Variants in DENND5B observed in about 807,000 individuals in gnomAD.
The protein encoded by DENND5B is DENN domain containing 5B.
In DENND5B, 34 loss-of-function variants were observed where a neutral mutation model predicts 140.6. The ratio of observed to expected loss-of-function variants is 0.24; its 90% CI spans 0.18 to 0.32. The LOEUF (loss-of-function observed/expected upper bound fraction) is 0.32, where lower values mean the gene tolerates loss of function less well. Among genes scored for constraint, DENND5B ranks in the 10% least tolerant of loss-of-function variants. The probability of loss-of-function intolerance (pLI) is 1.00; values close to 1 mark genes in which losing one functional copy is unlikely to be tolerated. For missense variants in DENND5B, 1,142 were observed against 1,560.2 expected, an observed-to-expected ratio of 0.73 and a Z score of 4.52; for synonymous variants, 551 against 562.1, an observed-to-expected ratio of 0.98 and a Z score of 0.28.
chr12:31,502,333 AAAAAAC>A (rs768308598), intron 1 of DENND5B, among the ~76,000 whole-genome samples: 2 of 150,038 alleles, frequency 1.3e-5, no homozygotes, highest in Non-Finnish European at 3.0e-5. Flanking sequence ...ACAAAAACAA[AAAAAAC>A]ATTATATTCA....
At chr12:31,501,216 G>A (rs556173672) in intron 1 of DENND5B, among the ~76,000 whole-genome samples, 2 of 152,288 alleles carry the variant, frequency 1.3e-5, no homozygotes, top group South Asian at 4.1e-4. Context: ...CTGTCCTTGG[G>A]ATAGTGAGTT....
At chr12:31,397,549 C>CAAAAAAAAAAAAAAAAAA (rs1223481557) in intron 17 of DENND5B, among the ~76,000 whole-genome samples, 1 of 49,320 alleles carries the variant, frequency 2.0e-5, no homozygotes, top group Non-Finnish European at 3.3e-5. Context: ...TTCCATCTCA[C>CAAAAAAAAAAAAAAAAAA]AAAAAAAAAA....
chr12:31,492,805 T>C (rs181940794), intron 2 of DENND5B, among the ~76,000 whole-genome samples: 2 of 152,374 alleles, frequency 1.3e-5, no homozygotes, highest in Admixed American at 1.3e-4. Context: ...CTTATAAAGA[T>C]AACTAACAGT....
At chr12:31,550,837 G>A (rs1949029216) in intron 1 of DENND5B, among the ~76,000 whole-genome samples, 1 of 152,096 alleles carries the variant, frequency 6.6e-6, no homozygotes, top group Non-Finnish European at 1.5e-5. Flanking sequence ...ATTTTTTCAT[G>A]TGTTTTTTTG....
intron 11 of DENND5B, 48 bp downstream of exon 11, chr12:31,423,549 G>A (rs1331974876): frequency 1.9e-6 from 3 of 1,583,476 alleles, no homozygotes; most frequent in Non-Finnish European, 2.6e-6. Context: ...ATAGTATTGA[G>A]TCTTCTCAGA....
chr12:31,568,262 C>T (rs1164233715), intron 1 of DENND5B, among the ~76,000 whole-genome samples: 1 of 152,188 alleles, frequency 6.6e-6, no homozygotes, highest in East Asian at 1.9e-4. Context: ...CATGTTTAGA[C>T]TTAGGTCCCA....
intron 7 of DENND5B, 132 bp from the exon 8 acceptor site, chr12:31,433,380 A>C (rs1358218010): frequency 1.2e-6 from 1 of 813,312 alleles, no homozygotes; most frequent in Non-Finnish European, 1.8e-6. Flanking sequence ...CTTTGTTAAA[A>C]TATAATTAAA....
intron 1 of DENND5B, among the ~76,000 whole-genome samples, chr12:31,541,716 G>A (rs565599703): frequency 5.5e-4 from 84 of 152,218 alleles, no homozygotes; most frequent in African/African-American, 1.8e-3. Flanking sequence ...CAAAATAAAG[G>A]AAATCAGTAT....
At chr12:31,476,451 TTTAA>T (rs1258623461) in intron 3 of DENND5B, among the ~76,000 whole-genome samples, 3 of 151,408 alleles carry the variant, frequency 2.0e-5, no homozygotes, top group Admixed American at 6.6e-5. Flanking sequence ...CGTTTTCTTA[TTTAA>T]TTGTCATAAT....
intron 1 of DENND5B, among the ~76,000 whole-genome samples, chr12:31,582,845 T>A (rs1046970087): frequency 6.6e-6 from 1 of 152,254 alleles, no homozygotes; most frequent in Non-Finnish European, 1.5e-5. Flanking sequence ...ATACAGCATA[T>A]GTTACTAGGG....
At position 31,542,757 on chromosome 12, in the gene DENND5B, A is replaced by T. The variant is rs1825133829; in HGVS notation, c.128-46838T>A. Among the ~76,000 whole-genome samples the T allele has an allele frequency of 2.6e-5, 4 of 152,150 alleles. No homozygotes were observed. In the South Asian group the frequency reaches 8.3e-4, roughly 32 times the overall value. On this transcript the variant is annotated intron_variant, in intron 1 of 20. Coordinates refer to ENST00000389082, the MANE Select transcript of DENND5B (RefSeq NM_144973.4). ...GATTCTTTGAGCCCAGGAGTTTGAGACCAGCATGAGCAACATAGCAAAACC... is the reference window on the plus strand; with the variant it reads ...GATTCTTTGAGCCCAGGAGTTTGAGTCCAGCATGAGCAACATAGCAAAACC...
intron 8 of DENND5B, chr12:31,432,287 G>GA (rs374753134): frequency 0.02 from 3,580 of 174,816 alleles, 56 homozygotes; most frequent in South Asian, 0.054. Flanking sequence ...ACAGTAGCCG[G>GA]AAAAAAAAAA....
At chr12:31,557,835 A>G (rs1029827181) in intron 1 of DENND5B, among the ~76,000 whole-genome samples, 2 of 148,540 alleles carry the variant, frequency 1.3e-5, no homozygotes, top group African/African-American at 5.0e-5. Flanking sequence ...AAAAAAAAAA[A>G]AAGACACAGA....
At chr12:31,537,814 CA>C (rs1019224994) in intron 1 of DENND5B, among the ~76,000 whole-genome samples, 11 of 151,948 alleles carry the variant, frequency 7.2e-5, no homozygotes, top group Middle Eastern at 3.4e-3. Flanking sequence ...CAATGGAAAT[CA>C]AAAAAGACTA....
intron 1 of DENND5B, among the ~76,000 whole-genome samples, chr12:31,516,803 T>C (rs1177926654): frequency 1.3e-5 from 2 of 152,152 alleles, no homozygotes; most frequent in Non-Finnish European, 2.9e-5. Flanking sequence ...CTGGGCCCTG[T>C]GGCTCACACC....
intron 1 of DENND5B, among the ~76,000 whole-genome samples, chr12:31,576,289 T>C (rs1950014604): frequency 6.6e-6 from 1 of 151,544 alleles, no homozygotes; most frequent in African/African-American, 2.4e-5. Flanking sequence ...CTGTCTCTAC[T>C]AAAAAATACA....
chr12:31,534,828 GT>G, intron 1 of DENND5B: 1 of 457,636 alleles, frequency 2.2e-6, no homozygotes, highest in South Asian at 1.7e-5. Context: ...TTCAGCCCTG[GT>G]TTGATGTAAT....
chr12:31,403,429 C>CAG (rs1941923603), intron 14 of DENND5B, among the ~76,000 whole-genome samples: 1 of 150,032 alleles, frequency 6.7e-6, no homozygotes, highest in African/African-American at 2.5e-5. Flanking sequence ...CCCGTCTCTA[C>CAG]TAACAGTACA....
intron 15 of DENND5B, among the ~76,000 whole-genome samples, chr12:31,400,864 CAG>C (rs1941759361): frequency 7.9e-6 from 1 of 127,188 alleles, no homozygotes; most frequent in African/African-American, 2.9e-5. Flanking sequence ...TTTTTTTAGA[CAG>C]AGTTTCGCTC....
Sources: allele counts gnomAD v4.1 joint callset (sites outside exome capture counted in the v4.1 genomes callset), GRCh38; gene constraint gnomAD v4.1.1; transcripts MANE v1.5; gene names NCBI Gene and HGNC (gene_info 2026-07-23, HGNC 2026-07-21).